Variants in IQCM observed in about 807,000 individuals in gnomAD.
The protein encoded by IQCM is IQ domain-containing protein M.
In IQCM, 45 loss-of-function variants were observed where a neutral mutation model predicts 57.6. The ratio of observed to expected loss-of-function variants is 0.78; its 90% CI spans 0.62 to 1.00. The LOEUF (loss-of-function observed/expected upper bound fraction) is 1.00. Ranked by LOEUF, IQCM falls within the 50% of genes least tolerant of loss-of-function variation. The pLI is 0.00. For missense variants in IQCM, 468 were observed against 511.6 expected (o/e 0.91, Z 0.82); for synonymous variants, 148 against 158.9 (o/e 0.93, Z 0.51).
At chr4:149,615,525 T>C (rs1755712384) in intron 8 of IQCM, among the ~76,000 whole-genome samples, 1 of 152,166 alleles carries the variant, frequency 6.6e-6, no homozygotes, top group South Asian at 2.1e-4. Flanking sequence ...TCTAATACAA[T>C]AAACATGTGG....
chr4:149,703,479 G>A (rs1039419793), intron 5 of IQCM, among the ~76,000 whole-genome samples: 1 of 151,796 alleles, frequency 6.6e-6, no homozygotes, highest in Admixed American at 6.6e-5. Context: ...AAAAATGGTT[G>A]GGAAGTGTTG....
intron 5 of IQCM, chr4:149,691,773 G>A (rs1762956817): frequency 6.6e-6 from 1 of 152,062 alleles, no homozygotes; most frequent in South Asian, 2.1e-4. Flanking sequence ...CATGAGCAGG[G>A]AACAGGTTCA....
intron 13 of IQCM, among the ~76,000 whole-genome samples, chr4:149,397,515 G>GTC (rs1247908041): frequency 1.3e-5 from 2 of 151,766 alleles, no homozygotes; most frequent in African/African-American, 4.8e-5. Flanking sequence ...TTCCCCTTCA[G>GTC]TCTCTCTCTC....
chr4:149,794,378 T>C (rs146510484), intron 2 of IQCM, among the ~76,000 whole-genome samples: 1 of 152,344 alleles, frequency 6.6e-6, no homozygotes, highest in East Asian at 1.9e-4. Context: ...CCAGCTTATC[T>C]GCCTATTACA....
chr4:149,698,238 A>G (rs1395534579), intron 5 of IQCM, among the ~76,000 whole-genome samples: 2 of 151,874 alleles, frequency 1.3e-5, no homozygotes, highest in Non-Finnish European at 2.9e-5. Flanking sequence ...TTATAGGGGG[A>G]AAAAAAGGAA....
chr4:149,784,577 G>C (rs1445447466), intron 2 of IQCM, among the ~76,000 whole-genome samples: 2 of 152,098 alleles, frequency 1.3e-5, no homozygotes, highest in African/African-American at 4.8e-5. Flanking sequence ...CACTGCGCCT[G>C]GCTAATTTTT....
intron 7 of IQCM, among the ~76,000 whole-genome samples, chr4:149,669,952 C>T (rs1761104467): frequency 6.6e-6 from 1 of 152,098 alleles, no homozygotes; most frequent in Non-Finnish European, 1.5e-5. Context: ...ATTGTCTTGG[C>T]AATGTGGGCT....
intron 12 of IQCM, among the ~76,000 whole-genome samples, chr4:149,487,291 G>A (rs1741621510): frequency 6.6e-6 from 1 of 152,136 alleles, no homozygotes; most frequent in Non-Finnish European, 1.5e-5. Context: ...CAGTGCCTGA[G>A]CTGGTATCCA....
chr4:149,646,938 A>G (rs887490125), intron 7 of IQCM, among the ~76,000 whole-genome samples: 7 of 152,190 alleles, frequency 4.6e-5, no homozygotes, highest in Non-Finnish European at 1.5e-5. Context: ...GAGCTGGGAT[A>G]GCACAACTGC....
chr4:149,712,695 AAGGTGTTTTTCAGGAGT>A (rs1181732245), intron 5 of IQCM, among the ~76,000 whole-genome samples: 1 of 152,150 alleles, frequency 6.6e-6, no homozygotes, highest in African/African-American at 2.4e-5. Flanking sequence ...AATCTGATGG[AAGGTGTTTTTCAGGAGT>A]ACTTAATACC....
At chr4:149,653,907 A>C (rs985130977) in intron 7 of IQCM, among the ~76,000 whole-genome samples, 1 of 152,134 alleles carries the variant, frequency 6.6e-6, no homozygotes. Flanking sequence ...AAAATGTACT[A>C]TATTTGGTGG....
intron 12 of IQCM, among the ~76,000 whole-genome samples, chr4:149,508,174 A>G (rs1283177276): frequency 6.6e-6 from 1 of 151,998 alleles, no homozygotes; most frequent in Non-Finnish European, 1.5e-5. Flanking sequence ...CCTCATGGAG[A>G]ACCTCTGCTA....
rs550461224 is a variant in IQCM at position 149,756,306 on chromosome 4, AG to A, written c.-48-13568del. On this transcript the variant is annotated intron_variant, in intron 2 of 13. Coordinates refer to ENST00000636793, the MANE Select transcript of IQCM (RefSeq NM_001363507.2). Reference sequence around the variant, plus strand: ...AGAAAAAAGATAGGCTATCTAGAAAAGGATGGCAACTTTGATAAAAGAACTC... The same window carrying A: ...AGAAAAAAGATAGGCTATCTAGAAAAGATGGCAACTTTGATAAAAGAACTC... Among the ~76,000 whole-genome samples the A allele has an allele frequency of 3.3e-5, 5 of 152,364 alleles. No homozygotes were observed. In the East Asian group the frequency reaches 9.6e-4, roughly 29 times the overall value.
chr4:149,468,982 C>T (rs1428098861), intron 12 of IQCM, among the ~76,000 whole-genome samples: 1 of 152,158 alleles, frequency 6.6e-6, no homozygotes, highest in East Asian at 1.9e-4. Context: ...ACGTCACCAT[C>T]ATCAAAGACC....
At chr4:149,376,054 A>G (rs1334384028) in intron 13 of IQCM, among the ~76,000 whole-genome samples, 1 of 152,112 alleles carries the variant, frequency 6.6e-6, no homozygotes, top group Non-Finnish European at 1.5e-5. Context: ...GAATTCTGTA[A>G]CCACCTCAAA....
chr4:149,667,895 CA>C (rs1004881653), intron 7 of IQCM, among the ~76,000 whole-genome samples: 1 of 151,512 alleles, frequency 6.6e-6, no homozygotes, highest in Admixed American at 6.6e-5. Flanking sequence ...TGAAAAGGAA[CA>C]AAAAAAGCTT....
chr4:149,737,482 T>C (rs1767047853), intron 3 of IQCM: 1 of 152,192 alleles, frequency 6.6e-6, no homozygotes, highest in Admixed American at 6.5e-5. Context: ...TGATTCGAAA[T>C]TCTTTCAAGT....
chr4:149,503,960 A>G (rs1052327429), intron 12 of IQCM, among the ~76,000 whole-genome samples: 1 of 152,184 alleles, frequency 6.6e-6, no homozygotes, highest in African/African-American at 2.4e-5. Context: ...AGACAATCAC[A>G]CAAATTAAAC....
intron 7 of IQCM, among the ~76,000 whole-genome samples, chr4:149,661,074 T>G (rs1265992846): frequency 1.3e-5 from 2 of 151,918 alleles, no homozygotes; most frequent in African/African-American, 4.8e-5. Flanking sequence ...AGAGGAACAG[T>G]TTGGTGTTAG....
Sources: allele counts gnomAD v4.1 joint callset (sites outside exome capture counted in the v4.1 genomes callset), GRCh38; gene constraint gnomAD v4.1.1; transcripts MANE v1.5; gene names NCBI Gene and HGNC (gene_info 2026-07-23, HGNC 2026-07-21).